SLC30A8: variants seen among roughly 807,000 people sequenced by gnomAD.
SLC30A8 encodes proton-coupled zinc antiporter SLC30A8.
Under a neutral mutation model 36.9 loss-of-function variants are expected in SLC30A8, and 27 were observed. The ratio of observed to expected loss-of-function variants is 0.73; its 90% CI spans 0.54 to 1.01. The LOEUF is 1.01. Ranked by LOEUF, SLC30A8 falls within the 50% of genes least tolerant of loss-of-function variation. The pLI is 0.00. For missense variants in SLC30A8, 439 were observed against 452.0 expected, an observed-to-expected ratio of 0.97 and a Z score of 0.26; for synonymous variants, 164 against 172.4, an observed-to-expected ratio of 0.95 and a Z score of 0.38.
chr8:116,954,306 C>T (rs1814109499), intron 1 of SLC30A8, among the ~76,000 whole-genome samples: 1 of 151,802 alleles, frequency 6.6e-6, no homozygotes, highest in Non-Finnish European at 1.5e-5. Context: ...GTAGAGACAT[C>T]AAATAGGCAA....
At chr8:117,172,430 T>A in intron 7 of SLC30A8, 106 bp from the exon 8 acceptor site, 4 of 1,485,874 alleles carry the variant, frequency 2.7e-6, no homozygotes, top group Non-Finnish European at 3.7e-6. Flanking sequence ...GCCCTGCCTC[T>A]GCCCCACCCC....
At chr8:117,081,400 CTT>C (rs1218208984) in intron 2 of SLC30A8, among the ~76,000 whole-genome samples, 2 of 152,192 alleles carry the variant, frequency 1.3e-5, no homozygotes, top group Non-Finnish European at 2.9e-5. Flanking sequence ...TCTCACATGA[CTT>C]TTCTCTGTGT....
intron 1 of SLC30A8, among the ~76,000 whole-genome samples, chr8:117,012,722 TATAC>T (rs1816385786): frequency 2.4e-5 from 1 of 42,442 alleles, no homozygotes; most frequent in Non-Finnish European, 4.9e-5. Context: ...TAGACATATG[TATAC>T]ACACACACAC....
chr8:117,089,090 G>A (rs1488299365), intron 2 of SLC30A8, among the ~76,000 whole-genome samples: 1 of 152,026 alleles, frequency 6.6e-6, no homozygotes, highest in African/African-American at 2.4e-5. Flanking sequence ...ACACTCTTTG[G>A]GTAAACTTCC....
At chr8:117,091,882 A>C (rs1408355472) in intron 2 of SLC30A8, among the ~76,000 whole-genome samples, 1 of 152,134 alleles carries the variant, frequency 6.6e-6, no homozygotes, top group Non-Finnish European at 1.5e-5. Flanking sequence ...CATTGTGCAC[A>C]TATATAGCAT....
At chr8:117,016,354 T>C (rs760522080) in intron 1 of SLC30A8, among the ~76,000 whole-genome samples, 7 of 152,226 alleles carry the variant, frequency 4.6e-5, no homozygotes, top group Non-Finnish European at 8.8e-5. Context: ...TTCTTTCTGC[T>C]GAGGATCAGA....
Position 117,172,864 on chromosome 8 carries a change from A to G in SLC30A8, c.*183A>G. ...GAAGAGGCACTGAGATCCATCAATC[A>G]ATTGGATTATATACTGATCAGTAGC... On this transcript the variant is annotated 3_prime_UTR_variant, in exon 8 of 8. Transcript: ENST00000456015. 1.5e-6 allele frequency: 1 copy of G among 670,018 alleles called. No individual in the cohort carries two copies. 41.5% of individuals were successfully genotyped at this position (670,018 alleles called of 1,614,324 possible).
intron 2 of SLC30A8, among the ~76,000 whole-genome samples, chr8:117,119,590 A>T (rs981499231): frequency 3.9e-5 from 6 of 151,920 alleles, no homozygotes; most frequent in Non-Finnish European, 8.8e-5. Flanking sequence ...CCTTACTCCC[A>T]TATCACATCA....
chr8:116,998,312 C>T (rs899570832), intron 1 of SLC30A8, among the ~76,000 whole-genome samples: 3 of 152,142 alleles, frequency 2.0e-5, no homozygotes, highest in Non-Finnish European at 4.4e-5. Context: ...GCAATGATGG[C>T]CAGAAATTTG....
intron 1 of SLC30A8, among the ~76,000 whole-genome samples, chr8:117,025,312 T>A (rs1330006515): frequency 6.6e-6 from 1 of 152,096 alleles, no homozygotes. Flanking sequence ...TCAGTTTTTT[T>A]AAATGCAAGA....
At chr8:116,979,354 G>A (rs1222405770) in intron 1 of SLC30A8, among the ~76,000 whole-genome samples, 2 of 151,200 alleles carry the variant, frequency 1.3e-5, no homozygotes, top group Non-Finnish European at 2.9e-5. Context: ...TATCCTCCTC[G>A]AAGAAAACAT....
chr8:117,075,489 G>A (rs1036599714), intron 2 of SLC30A8, among the ~76,000 whole-genome samples: 1 of 152,106 alleles, frequency 6.6e-6, no homozygotes, highest in Non-Finnish European at 1.5e-5. Context: ...CAGTCTCAAG[G>A]ACTCTTATAC....
chr8:117,166,766 A>ATTTT lies in SLC30A8; in HGVS notation c.829+3253_829+3256dup, dbSNP rs71305462. Among the ~76,000 whole-genome samples, 289 of 128,634 alleles carry ATTTT rather than the reference A, an allele frequency of 2.2e-3. 8 individuals carry two copies. The highest frequency in any genetic ancestry group is 0.013 in the East Asian group (56 of 4,248). The allele number at this position is 128,634 out of a possible 152,430, so 84.4% of individuals were successfully genotyped here. On this transcript the variant is annotated intron_variant, in intron 6 of 7. Coordinates refer to ENST00000456015, the MANE Select transcript of SLC30A8 (RefSeq NM_173851.3). ...GATTGAAATATCCAGACATTAGCTG[A>ATTTT]TTTTTTTTTTTTTTTTTTTTGTCCA...
Position 117,173,393 on chromosome 8 carries a change from T to G in SLC30A8, c.*712T>G, listed in dbSNP as rs936948605. ...TTAAACACTGGCACCAGCCAAAGAA[T>G]GTGGTTGTAGAGACCCAGAAGTCTT... On this transcript the variant is annotated 3_prime_UTR_variant, in exon 8 of 8. Coordinates refer to ENST00000456015, the MANE Select transcript of SLC30A8 (RefSeq NM_173851.3). The G allele has an allele frequency of 6.6e-6, 1 of 152,150 alleles. No individual in the cohort carries two copies. Among genetic ancestry groups the G allele is most frequent in the African/African-American group, 2.4e-5 (1 of 41,448 alleles). 9.4% of individuals were successfully genotyped at this position (152,150 alleles called of 1,614,324 possible).
rs147737543 is a variant in SLC30A8 at position 117,071,382 on chromosome 8, A to G, written c.-226+32124A>G. Among the ~76,000 whole-genome samples the G allele has an allele frequency of 1.2e-3, 187 of 151,960 alleles. 1 individual carries two copies. Among genetic ancestry groups the G allele is most frequent in the African/African-American group, 4.1e-3 (168 of 41,458 alleles). On this transcript the variant is annotated intron_variant, in intron 2 of 10. Transcript: ENST00000427715. ...GTATTTCTGTTGAGATCCTTTGCCC[A>G]TGTTTTAATTTGGTTGTTTTCTTGC...
chr8:117,036,083 C>T (rs540074338), intron 1 of SLC30A8, among the ~76,000 whole-genome samples: 89 of 151,606 alleles, frequency 5.9e-4, no homozygotes, highest in African/African-American at 1.9e-3. Context: ...TCTTTACTTA[C>T]GCAACTTTCT....
At chr8:117,080,771 G>T (rs1818650411) in intron 2 of SLC30A8, among the ~76,000 whole-genome samples, 1 of 152,124 alleles carries the variant, frequency 6.6e-6, no homozygotes, top group South Asian at 2.1e-4. Flanking sequence ...TGTTTTTGCT[G>T]TTGTGAATAG....
chr8:116,961,322 G>A (rs1011872406), intron 1 of SLC30A8, among the ~76,000 whole-genome samples: 3 of 152,166 alleles, frequency 2.0e-5, no homozygotes, highest in Non-Finnish European at 4.4e-5. Flanking sequence ...CCAGCTACTC[G>A]GGAGGCTGAG....
At chr8:117,109,495 A>G (rs4876702) in intron 2 of SLC30A8, among the ~76,000 whole-genome samples, 23,817 of 152,132 alleles carry the variant, frequency 0.16, 1,989 homozygotes, top group East Asian at 0.21. Flanking sequence ...CTGAGGTCAG[A>G]AAGAAGTGTT....
Sources: gnomAD v4.1 joint callset for allele counts (sites outside exome capture counted in the v4.1 genomes callset) on GRCh38, gnomAD v4.1.1 for gene constraint, MANE v1.5 for transcripts, NCBI Gene and HGNC (gene_info 2026-07-23, HGNC 2026-07-21) for gene names.